Variants in GRM8 observed in about 807,000 individuals in gnomAD.
GRM8 encodes the protein metabotropic glutamate receptor 8.
In GRM8, 47 loss-of-function variants were observed where a neutral mutation model predicts 87.2. The observed-to-expected ratio is 0.54, with a 90% CI of 0.43 to 0.69. GRM8 has a LOEUF of 0.69. Among genes scored for constraint, GRM8 ranks in the 30% least tolerant of loss-of-function variants. GRM8 has a pLI of 0.00. For synonymous variants in GRM8, 396 were observed against 404.5 expected (o/e 0.98, Z 0.25); for missense variants, 1,019 against 1,139.2 (o/e 0.89, Z 1.52).
chr7:126,525,780 C>CT (rs1281176734), intron 9 of GRM8, among the ~76,000 whole-genome samples: 1 of 152,038 alleles, frequency 6.6e-6, no homozygotes, highest in Non-Finnish European at 1.5e-5. Context: ...AGTCTTCTTT[C>CT]TTTTTTAAAA....
chr7:126,455,261 A>G (rs1370030760), intron 9 of GRM8, among the ~76,000 whole-genome samples: 1 of 151,684 alleles, frequency 6.6e-6, no homozygotes, highest in East Asian at 1.9e-4. Flanking sequence ...GTCATACAAT[A>G]CATGAAAATA....
chr7:127,193,124 A>G (rs1168320871), intron 2 of GRM8, among the ~76,000 whole-genome samples: 1 of 152,222 alleles, frequency 6.6e-6, no homozygotes, highest in African/African-American at 2.4e-5. Context: ...ACCATATTTG[A>G]ATGTCCAGTT....
At chr7:126,554,151 A>C (rs1792885994) in intron 8 of GRM8, among the ~76,000 whole-genome samples, 1 of 152,138 alleles carries the variant, frequency 6.6e-6, no homozygotes, top group South Asian at 2.1e-4. Flanking sequence ...TTTCAGTGTA[A>C]AGGAACAGAA....
chr7:126,656,666 T>C (rs925512185), intron 7 of GRM8, among the ~76,000 whole-genome samples: 18 of 151,404 alleles, frequency 1.2e-4, no homozygotes, highest in African/African-American at 4.1e-4. Flanking sequence ...AGACTCTGTC[T>C]CAAAAATAAA....
intron 9 of GRM8, among the ~76,000 whole-genome samples, chr7:126,504,631 A>G (rs1429164454): frequency 1.3e-5 from 2 of 152,064 alleles, no homozygotes; most frequent in African/African-American, 4.8e-5. Flanking sequence ...AAACCTGCAC[A>G]TGTGCCCCTG....
At chr7:126,485,367 A>AG (rs1357560127) in intron 9 of GRM8, among the ~76,000 whole-genome samples, 1 of 148,190 alleles carries the variant, frequency 6.7e-6, no homozygotes, top group Admixed American at 6.7e-5. Context: ...ACAAAAAAAA[A>AG]GGGGGTGGGG....
At chr7:126,684,129 C>T (rs898827090) in intron 7 of GRM8, among the ~76,000 whole-genome samples, 5 of 151,982 alleles carry the variant, frequency 3.3e-5, no homozygotes, top group Admixed American at 1.3e-4. Context: ...GAAGGAAGAA[C>T]GTGAGAAAGA....
chr7:126,529,001 C>T (rs1487000184), intron 9 of GRM8, among the ~76,000 whole-genome samples: 1 of 152,164 alleles, frequency 6.6e-6, no homozygotes, highest in Non-Finnish European at 1.5e-5. Flanking sequence ...GCAAAAGTAT[C>T]TCAATAGTTG....
At chr7:126,943,752 A>T (rs1249007544) in intron 3 of GRM8, among the ~76,000 whole-genome samples, 1 of 152,238 alleles carries the variant, frequency 6.6e-6, no homozygotes, top group African/African-American at 2.4e-5. Context: ...ATGTTCACAG[A>T]ACAAGTGCTG....
At chr7:126,459,837 A>G (rs1803691883) in intron 9 of GRM8, among the ~76,000 whole-genome samples, 1 of 151,454 alleles carries the variant, frequency 6.6e-6, no homozygotes, top group Non-Finnish European at 1.5e-5. Flanking sequence ...AGCATAAGAC[A>G]ACTAACCACT....
intron 9 of GRM8, among the ~76,000 whole-genome samples, chr7:126,529,796 C>T (rs1562925187): frequency 6.6e-6 from 1 of 152,166 alleles, no homozygotes; most frequent in East Asian, 1.9e-4. Context: ...CTTCTCCTGA[C>T]TATTAATCAC....
At chr7:126,831,631 G>C (rs924418568) in intron 6 of GRM8, among the ~76,000 whole-genome samples, 2 of 152,188 alleles carry the variant, frequency 1.3e-5, no homozygotes, top group African/African-American at 4.8e-5. Flanking sequence ...GGAAAGGGAA[G>C]TCCCTGACTC....
Position 126,777,857 on chromosome 7 carries a change from T to G in GRM8, c.1157-7792A>C, listed in dbSNP as rs192252767. 3.3e-3 allele frequency among the ~76,000 whole-genome samples: 496 copies of G among 152,294 alleles called. 1 individual carries two copies. Among genetic ancestry groups the G allele is most frequent in the Non-Finnish European group, 5.5e-3 (373 of 68,026 alleles). On this transcript the variant is annotated intron_variant, in intron 6 of 10. Coordinates refer to ENST00000339582, the MANE Select transcript of GRM8 (RefSeq NM_000845.3). The stretch of plus-strand genomic sequence containing the variant: ...TATGGAAAAGTTGTCATAAAATGGC[T>G]GAAATTCCCAAGCAAAAGGACTGGA...
chr7:126,599,471 G>C (rs147075433), intron 8 of GRM8, among the ~76,000 whole-genome samples: 1 of 152,036 alleles, frequency 6.6e-6, no homozygotes, highest in Non-Finnish European at 1.5e-5. Flanking sequence ...ATTTATTCAT[G>C]AACATTTAGT....
chr7:126,549,877 T>C (rs886720794), intron 8 of GRM8, among the ~76,000 whole-genome samples: 1 of 152,008 alleles, frequency 6.6e-6, no homozygotes. Flanking sequence ...CCTACAAAAA[T>C]GTGAGTAAAG....
chr7:127,023,468 A>G lies in GRM8; in HGVS notation c.727+83028T>C, dbSNP rs894419001. 3.9e-5 allele frequency among the ~76,000 whole-genome samples: 6 copies of G among 152,086 alleles called. No individual in the cohort carries two copies. In the South Asian group the frequency reaches 1.2e-3, roughly 31 times the overall value. On this transcript the variant is annotated intron_variant, in intron 3 of 10. Coordinates refer to ENST00000339582, the MANE Select transcript of GRM8 (RefSeq NM_000845.3). ...AGTATGCAAAAGGGACAGACACTGA[A>G]AATACTTTCCAACTGTACATAAAAG... is the stretch of plus-strand genomic sequence containing the variant.
chr7:126,520,544 C>T (rs1812834048), intron 9 of GRM8, among the ~76,000 whole-genome samples: 1 of 151,852 alleles, frequency 6.6e-6, no homozygotes. Context: ...GGGAATAGTG[C>T]CTGGGAGAAA....
chr7:127,182,631 T>TGG (rs1299031550), intron 2 of GRM8, among the ~76,000 whole-genome samples: 1 of 115,866 alleles, frequency 8.6e-6, no homozygotes, highest in African/African-American at 3.5e-5. Flanking sequence ...AAAGAAAGTG[T>TGG]GGTGTGTGTG....
chr7:126,960,855 G>T (rs1809241234), intron 3 of GRM8, among the ~76,000 whole-genome samples: 1 of 152,076 alleles, frequency 6.6e-6, no homozygotes, highest in African/African-American at 2.4e-5. Context: ...TATATGAATT[G>T]AGTGGGATCT....
Sources: allele counts gnomAD v4.1 joint callset (sites outside exome capture counted in the v4.1 genomes callset), GRCh38; gene constraint gnomAD v4.1.1; transcripts MANE v1.5; gene names NCBI Gene and HGNC (gene_info 2026-07-23, HGNC 2026-07-21).